PIAS1: variants seen among roughly 807,000 people sequenced by gnomAD.
PIAS1 encodes protein inhibitor of activated STAT 1, also known as E3 SUMO-protein ligase PIAS1.
A neutral mutation model predicts 71.3 loss-of-function variants in PIAS1; 6 were observed. The ratio of observed to expected loss-of-function variants is 0.08; its 90% confidence interval spans 0.05 to 0.17. PIAS1 has a LOEUF of 0.17. Ranked by LOEUF, PIAS1 falls within the 10% of genes least tolerant of loss-of-function variation. PIAS1 has a pLI of 1.00. For missense variants in PIAS1, 555 were observed against 793.6 expected (o/e 0.70, Z 3.61); for synonymous variants, 303 against 292.9 (o/e 1.03, Z -0.35).
At chr15:68,063,324 A>G (rs2091981245) in intron 1 of PIAS1, among the ~76,000 whole-genome samples, 1 of 152,218 alleles carries the variant, frequency 6.6e-6, no homozygotes, top group Non-Finnish European at 1.5e-5. Context: ...TCTTGCAGTC[A>G]TGCAAGTCTA....
intron 2 of PIAS1, among the ~76,000 whole-genome samples, chr15:68,110,509 T>C (rs575857770): frequency 3.1e-4 from 47 of 152,126 alleles, no homozygotes; most frequent in Non-Finnish European, 6.3e-4. Flanking sequence ...GGCAGGAGAA[T>C]TGCTTGAAAC....
chr15:68,152,518 G>T (rs1264640361), intron 6 of PIAS1, among the ~76,000 whole-genome samples: 1 of 152,064 alleles, frequency 6.6e-6, no homozygotes, highest in East Asian at 1.9e-4. Context: ...TCAAGCAGTT[G>T]CCTAATCATG....
intron 2 of PIAS1, among the ~76,000 whole-genome samples, chr15:68,094,349 A>G (rs2092356882): frequency 1.3e-5 from 2 of 151,832 alleles, no homozygotes; most frequent in South Asian, 4.1e-4. Context: ...GAGAAGATGT[A>G]GAAATAATTT....
rs1377582073 is a variant in PIAS1, at chr15:68,171,158, C to A, written c.1009-2574C>A. On this transcript the variant is annotated intron_variant, in intron 8 of 13. Coordinates refer to ENST00000249636, the MANE Select transcript of PIAS1 (RefSeq NM_016166.3). The surrounding 1 kb of genome is among the most constrained non-coding windows in gnomAD (Gnocchi z 4.4). ...TGTTAAAAACAAAGACACAAACACA[C>A]ATTAGCCTAGGCCTGCACAGGGTCC... is the stretch of plus-strand genomic sequence containing the variant. 6.6e-6 allele frequency among the ~76,000 whole-genome samples: 1 copy of A among 152,062 alleles called. No individual in the cohort carries two copies. Among genetic ancestry groups the A allele is most frequent in the Non-Finnish European group, 1.5e-5 (1 of 68,030 alleles).
intron 2 of PIAS1, among the ~76,000 whole-genome samples, chr15:68,099,111 C>T (rs1037774234): frequency 1.3e-5 from 2 of 151,908 alleles, no homozygotes. Context: ...TTGCACTTCT[C>T]TTATGGGTGA....
chr15:68,101,007 C>T (rs767076499), intron 2 of PIAS1, among the ~76,000 whole-genome samples: 27 of 151,772 alleles, frequency 1.8e-4, no homozygotes, highest in Non-Finnish European at 2.6e-4. Flanking sequence ...GTGATCCTCC[C>T]GCCTCTCAAG....
intron 6 of PIAS1, among the ~76,000 whole-genome samples, chr15:68,152,868 G>C (rs1197264658): frequency 2.1e-5 from 3 of 145,368 alleles, no homozygotes; most frequent in Non-Finnish European, 4.5e-5. Flanking sequence ...TTAGCTTGTT[G>C]ATTAACTGTT....
intron 2 of PIAS1, among the ~76,000 whole-genome samples, chr15:68,117,237 G>A (rs754924673): frequency 7.9e-5 from 12 of 151,898 alleles, no homozygotes; most frequent in African/African-American, 1.7e-4. Context: ...ACAGGTGTGC[G>A]CCACCACACC....
rs1646233612 is a variant in PIAS1 at position 68,124,600 on chromosome 15, A to G, written c.470-17346A>G. ...GCCGGGTGTGGTGGTGCATGCCTGTAATCCCAGCTACTTGGGAGGCTGAGG... is the reference window on the plus strand; with the variant it reads ...GCCGGGTGTGGTGGTGCATGCCTGTGATCCCAGCTACTTGGGAGGCTGAGG... On this transcript the variant is annotated intron_variant, in intron 2 of 13. Coordinates refer to ENST00000249636, the MANE Select transcript of PIAS1 (RefSeq NM_016166.3). 2.0e-5 allele frequency among the ~76,000 whole-genome samples: 3 copies of G among 152,088 alleles called. No homozygotes were observed. The South Asian group carries it at 6.2e-4, about 32-fold the overall frequency.
rs929284336 is a variant in PIAS1, at chr15:68,186,822, C to T, written c.1663-720C>T. Among the ~76,000 whole-genome samples the T allele has an allele frequency of 2.6e-5, 4 of 152,360 alleles. No homozygotes were observed. Among genetic ancestry groups the T allele is most frequent in the African/African-American group, 4.8e-5 (2 of 41,586 alleles). On this transcript the variant is annotated intron_variant, in intron 13 of 13. Transcript: ENST00000249636. The surrounding 1 kb of genome is among the most constrained non-coding windows in gnomAD (Gnocchi z 4.4). Reference sequence around the variant, plus strand: ...AGTAACATGCTGTACAGGTTTGTAGCCTGGGAGCAGTAGGCCAGACCACAC... The same window carrying T: ...AGTAACATGCTGTACAGGTTTGTAGTCTGGGAGCAGTAGGCCAGACCACAC...
intron 2 of PIAS1, among the ~76,000 whole-genome samples, chr15:68,088,174 G>GTATATATATATATATA (rs1193055165): frequency 1.8e-4 from 5 of 27,942 alleles, no homozygotes; most frequent in Admixed American, 3.7e-4. Flanking sequence ...GATTATGTGT[G>GTATATATATATATATA]TGTATATATA....
chr15:68,056,624 T>C (rs1371611469), intron 1 of PIAS1, among the ~76,000 whole-genome samples: 2 of 152,076 alleles, frequency 1.3e-5, no homozygotes, highest in Non-Finnish European at 2.9e-5. Context: ...TGAGGAGCTG[T>C]GTGATAAATT....
chr15:68,078,314 G>T (rs2092192573), intron 1 of PIAS1, among the ~76,000 whole-genome samples: 1 of 152,090 alleles, frequency 6.6e-6, no homozygotes, highest in African/African-American at 2.4e-5. Flanking sequence ...TATTTCCACT[G>T]CACAGTTCCT....
intron 1 of PIAS1, among the ~76,000 whole-genome samples, chr15:68,081,228 T>A (rs2092225193): frequency 6.6e-6 from 1 of 152,180 alleles, no homozygotes; most frequent in African/African-American, 2.4e-5. Flanking sequence ...AACCTCCCAT[T>A]CTGCACTACT....
chr15:68,158,880 A>G (rs1433369299), intron 7 of PIAS1, among the ~76,000 whole-genome samples: 1 of 152,202 alleles, frequency 6.6e-6, no homozygotes, highest in African/African-American at 2.4e-5. Context: ...GCACTGTCCC[A>G]TATGGTAGCC....
chr15:68,118,549 G>A (rs542941512), intron 2 of PIAS1, among the ~76,000 whole-genome samples: 4 of 148,568 alleles, frequency 2.7e-5, no homozygotes, highest in African/African-American at 1.0e-4. Context: ...ACTATGTTCT[G>A]CAAGCTGGTC....
chr15:68,173,624 G>A lies in PIAS1; in HGVS notation c.1009-108G>A. 1.7e-6 allele frequency: 1 copy of A among 601,306 alleles called. No individual in the cohort carries two copies. The highest frequency in any genetic ancestry group is 3.4e-5 in the Admixed American group (1 of 29,294). 37.2% of individuals were successfully genotyped at this position (601,306 alleles called of 1,614,324 possible). A position where few individuals can be genotyped will look rare whatever the true frequency, so the allele number is the denominator to read the frequency against. ...TCTACATTGATGAAAAGTCAACACTGTATGCTTTAAATCAGCATGCCTACC... is the reference window on the plus strand; with the variant it reads ...TCTACATTGATGAAAAGTCAACACTATATGCTTTAAATCAGCATGCCTACC... On this transcript the variant is annotated intron_variant, in intron 8 of 13. Coordinates refer to ENST00000249636, the MANE Select transcript of PIAS1 (RefSeq NM_016166.3). The surrounding 1 kb of genome is among the most constrained non-coding windows in gnomAD (Gnocchi z 4.3).
intron 8 of PIAS1, among the ~76,000 whole-genome samples, chr15:68,170,829 C>T (rs1458683608): frequency 2.6e-5 from 4 of 151,950 alleles, no homozygotes; most frequent in African/African-American, 7.2e-5. Flanking sequence ...TTAGTAGAGA[C>T]GGAGTTGCGC....
chr15:68,150,447 T>A (rs936665215), intron 6 of PIAS1, among the ~76,000 whole-genome samples: 9 of 152,236 alleles, frequency 5.9e-5, no homozygotes, highest in Non-Finnish European at 1.0e-4. Flanking sequence ...AGATTGTTTT[T>A]AAATTACTGT....
Sources: gnomAD v4.1 joint callset for allele counts (sites outside exome capture counted in the v4.1 genomes callset) on GRCh38, gnomAD v4.1.1 for gene constraint, Gnocchi (gnomAD v3.1) non-coding constraint, MANE v1.5 for transcripts, NCBI Gene and HGNC (gene_info 2026-07-23, HGNC 2026-07-21) for gene names.